The following CSMD2 variants were observed in gnomAD, a reference collection of about 807,000 sequenced individuals.
CSMD2 encodes CUB and sushi domain-containing protein 2.
Under a neutral mutation model 398.5 loss-of-function variants are expected in CSMD2, and 130 were observed. The observed-to-expected ratio is 0.33, with a 90% CI of 0.28 to 0.38. CSMD2 has a LOEUF of 0.38. CSMD2 is among the 10% of genes least tolerant of loss of function. The pLI is 1.00. For synonymous variants in CSMD2, 1,828 were observed against 1,908.5 expected (o/e 0.96, Z 1.10); for missense variants, 3,829 against 4,764.9 (o/e 0.80, Z 5.78).
At chr1:33,888,332 G>A (rs1202516733) in intron 5 of CSMD2, among the ~76,000 whole-genome samples, 6 of 152,114 alleles carry the variant, frequency 3.9e-5, no homozygotes, top group Non-Finnish European at 8.8e-5. Context: ...TAATAATAAT[G>A]AAGGAGGTCT....
rs781404797 is a variant in CSMD2 at position 33,820,478 on chromosome 1, G to A, written c.1190C>T (p.Ser397Leu). 9.3e-6 allele frequency: 15 copies of A among 1,606,380 alleles called. No individual in the cohort carries two copies. Among genetic ancestry groups the A allele is most frequent in the Non-Finnish European group, 1.2e-5 (14 of 1,175,298 alleles). Residue 397 changes from serine (S) to leucine (L), a missense_variant, in exon 8 of 71, where the codon TCG becomes TTG. Ser to Leu is a moderately radical substitution (Grantham distance 145). Around this residue, in one of 5 missense-constraint regions of CSMD2, gnomAD observed 2,001 missense variants for 2,567.1 expected, o/e 0.78. Coordinates refer to ENST00000373381, the MANE Select transcript of CSMD2 (RefSeq NM_001281956.2). ...CCCAAATAGATCTTACCTGAAATCC[G>A]AGCCTAGTCTTTTGCCCCTTTCGGG... ...GIPERGKRLG[S>L]DFRLGSSVQF...
rs563120 is a variant in CSMD2, at chr1:33,746,012, A to G, written c.1847-2406T>C. The stretch of plus-strand genomic sequence containing the variant: ...AAATGGTAGCGCCAAAGCCAAATCA[A>G]TGCAGCCTGATTCTAGAGACCAAGC... On this transcript the variant is annotated intron_variant, in intron 13 of 70. Coordinates refer to ENST00000373381, the MANE Select transcript of CSMD2 (RefSeq NM_001281956.2). Among the ~76,000 whole-genome samples the G allele has an allele frequency of 7.6e-3, 1,161 of 152,282 alleles. 21 individuals are homozygous for G. The highest frequency in any genetic ancestry group is 0.026 in the African/African-American group (1,099 of 41,548).
intron 44 of CSMD2, among the ~76,000 whole-genome samples, chr1:33,590,832 C>T (rs72662019): frequency 0.11 from 17,235 of 151,958 alleles, 1,370 homozygotes; most frequent in African/African-American, 0.23. Flanking sequence ...AACTCGTGAA[C>T]GGTGGGGGCA....
intron 43 of CSMD2, among the ~76,000 whole-genome samples, chr1:33,601,993 C>T (rs530619790): frequency 7.9e-5 from 12 of 152,200 alleles, no homozygotes; most frequent in Non-Finnish European, 1.8e-4. Context: ...AATTCCACCT[C>T]AAATCTCTTC....
intron 12 of CSMD2, among the ~76,000 whole-genome samples, chr1:33,784,018 G>A (rs1416687285): frequency 1.4e-5 from 2 of 147,524 alleles, no homozygotes; most frequent in Non-Finnish European, 3.0e-5. Context: ...TTTGTTGTCA[G>A]CAGACTATAC....
chr1:33,798,677 G>A (rs1233411967), intron 10 of CSMD2, among the ~76,000 whole-genome samples: 1 of 152,224 alleles, frequency 6.6e-6, no homozygotes, highest in Non-Finnish European at 1.5e-5. Context: ...TCAGTGTGAA[G>A]GGAGGATTGG....
intron 24 of CSMD2, among the ~76,000 whole-genome samples, chr1:33,695,387 C>T (rs143260704): frequency 9.4e-4 from 143 of 152,234 alleles, no homozygotes; most frequent in Middle Eastern, 3.4e-3. Flanking sequence ...GGAGGAGTCA[C>T]TGTGGTGGCA....
In CSMD2 at chr1:33,788,692, G is replaced by C. The variant is rs917413256; in HGVS notation, c.1571C>G (p.Pro524Arg). ...ATGATTGGTGCTGACAATGAGATCC[G>C]GGACCGATGTACCTGTCAGGCTGGC... The part of the protein sequence containing the change: ...VLYILTGTSV[P>R]DLIVSTNHQM... Residue 524 changes from proline to arginine, a missense_variant, in exon 12 of 71, where the codon CCG becomes CGG. Pro to Arg is a moderately radical substitution (Grantham distance 103, BLOSUM62 -2). Around this residue, in one of 5 missense-constraint regions of CSMD2, gnomAD observed 2,001 missense variants for 2,567.1 expected, o/e 0.78. Coordinates refer to ENST00000373381, the MANE Select transcript of CSMD2 (RefSeq NM_001281956.2). The C allele has an allele frequency of 6.2e-7, 1 of 1,612,486 alleles. No homozygotes were observed. Among genetic ancestry groups the C allele is most frequent in the Non-Finnish European group, 8.5e-7 (1 of 1,178,646 alleles).
intron 9 of CSMD2, among the ~76,000 whole-genome samples, chr1:33,811,961 C>A (rs1656913532): frequency 6.6e-6 from 1 of 152,158 alleles, no homozygotes; most frequent in Non-Finnish European, 1.5e-5. Context: ...AACCTAGTTT[C>A]CTCTGATGGG....
At chr1:33,934,361 C>T (rs1354368108) in intron 4 of CSMD2, among the ~76,000 whole-genome samples, 1 of 152,168 alleles carries the variant, frequency 6.6e-6, no homozygotes, top group Non-Finnish European at 1.5e-5. Context: ...AAACAATTCC[C>T]ATCTGATTTG....
At chr1:33,879,504 C>T (rs1641082506) in intron 5 of CSMD2, among the ~76,000 whole-genome samples, 1 of 152,182 alleles carries the variant, frequency 6.6e-6, no homozygotes, top group Admixed American at 6.5e-5. Flanking sequence ...ATGTCCCTGA[C>T]CTGAAAGTCA....
chr1:34,035,739 A>C (rs1485510460), intron 2 of CSMD2, among the ~76,000 whole-genome samples: 4 of 103,970 alleles, frequency 3.8e-5, no homozygotes. Context: ...GAACATCTAC[A>C]AAAAAAAAAA....
chr1:33,602,269 T>A, intron 43 of CSMD2, 100 bp downstream of exon 43: 1 of 1,308,860 alleles, frequency 7.6e-7, no homozygotes, highest in Non-Finnish European at 1.1e-6. Flanking sequence ...ACCATTCACC[T>A]CTTGGTTTTT....
At chr1:34,061,067 G>A (rs886941169) in intron 2 of CSMD2, among the ~76,000 whole-genome samples, 39 of 152,264 alleles carry the variant, frequency 2.6e-4, no homozygotes, top group African/African-American at 9.1e-4. Context: ...CCTGCAGCAA[G>A]CTTGCTCCAC....
At position 33,726,778 on chromosome 1, in the gene CSMD2, T is replaced by A. The variant is rs562133386; in HGVS notation, c.2369-93A>T. On this transcript the variant is annotated intron_variant, in intron 15 of 70. Coordinates refer to ENST00000373381, the MANE Select transcript of CSMD2 (RefSeq NM_001281956.2). ...TCTATAAAATGTGTCAGGCAATAAGTATAGTTTTTGTTTTTATGGAAAATT... is the reference window on the plus strand; with the variant it reads ...TCTATAAAATGTGTCAGGCAATAAGAATAGTTTTTGTTTTTATGGAAAATT... 5.9e-4 allele frequency: 800 copies of A among 1,358,478 alleles called. 14 individuals carry two copies. In the South Asian group the frequency reaches 0.011, roughly 19 times the overall value. 84.2% of individuals were successfully genotyped at this position (1,358,478 alleles called of 1,614,324 possible). A position where few individuals can be genotyped will look rare whatever the true frequency, so the allele number is the denominator to read the frequency against.
At chr1:34,067,570 A>G (rs969952470) in intron 2 of CSMD2, among the ~76,000 whole-genome samples, 3 of 152,216 alleles carry the variant, frequency 2.0e-5, no homozygotes, top group Non-Finnish European at 4.4e-5. Flanking sequence ...ATGAGCCAGT[A>G]GCACCAGCAT....
rs1023946748 is a variant in CSMD2, at chr1:33,864,985, G to A, written c.921-17989C>T. 2.3e-4 allele frequency among the ~76,000 whole-genome samples: 32 copies of A among 137,290 alleles called. No homozygotes were observed. The East Asian group carries it at 2.6e-3, about 11-fold the overall frequency. 90.1% of individuals were successfully genotyped at this position (137,290 alleles called of 152,430 possible). ...GAAGGGAAGGGAAAGGAGGGGAATG[G>A]AGGGGAGGGAAAGGGAGGGAAGGGC... is the stretch of plus-strand genomic sequence containing the variant. On this transcript the variant is annotated intron_variant, in intron 5 of 70. Transcript: ENST00000373381.
chr1:33,796,005 TCA>T (rs1195349218), intron 10 of CSMD2, among the ~76,000 whole-genome samples: 1 of 152,260 alleles, frequency 6.6e-6, no homozygotes, highest in African/African-American at 2.4e-5. Context: ...GTGATCTGTA[TCA>T]CAGATATTCA....
chr1:33,705,417 T>G (rs920656495), intron 22 of CSMD2, among the ~76,000 whole-genome samples: 2 of 152,124 alleles, frequency 1.3e-5, no homozygotes, highest in African/African-American at 4.8e-5. Context: ...ATTCCCTCAA[T>G]CCCCTGGTAA....
Sources: allele counts gnomAD v4.1 joint callset (sites outside exome capture counted in the v4.1 genomes callset), GRCh38; gene constraint gnomAD v4.1.1; regional missense constraint gnomAD v4.1.1; transcripts MANE v1.5; gene names NCBI Gene and HGNC (gene_info 2026-07-23, HGNC 2026-07-21).